RS1: variants seen among roughly 807,000 people sequenced by gnomAD.
RS1 encodes the protein retinoschisin 1, also known as retinoschisin.
Under a neutral mutation model 20.8 loss-of-function variants are expected in RS1, and 2 were observed. The ratio of observed to expected loss-of-function variants is 0.10; its 90% confidence interval spans 0.04 to 0.30. RS1 has a LOEUF of 0.30. RS1 is among the 10% of genes least tolerant of loss of function. The pLI, the probability that RS1 is intolerant of heterozygous loss-of-function variation, is 1.00. For missense variants in RS1, 151 were observed against 189.8 expected, an observed-to-expected ratio of 0.80 and a Z score of 1.20; for synonymous variants, 70 against 75.8, an observed-to-expected ratio of 0.92 and a Z score of 0.40.
At chrX:18,658,519 G>A (rs970486126) in intron 1 of RS1, among the ~76,000 whole-genome samples, 4 of 109,697 alleles carry the variant, frequency 3.6e-5, no homozygotes, top group African/African-American at 1.0e-4. Context: ...ACAATGGCGC[G>A]ATCTCGGCTC....
chrX:18,665,817 G>A (rs1354101009), intron 1 of RS1, among the ~76,000 whole-genome samples: 1 of 105,244 alleles, frequency 9.5e-6, no homozygotes, highest in African/African-American at 3.5e-5. Flanking sequence ...ATGAGAGTTG[G>A]AGGCTGCAGT....
At chrX:18,663,029 T>C (rs1425213929) in intron 1 of RS1, among the ~76,000 whole-genome samples, 73 of 94,817 alleles carry the variant, frequency 7.7e-4, no homozygotes, top group African/African-American at 2.6e-3. Context: ...CCAAGAACAA[T>C]GACTTTTTTT....
At chrX:18,647,559 C>T in intron 3 of RS1, 1 of 413,514 alleles carries the variant, frequency 2.4e-6, no homozygotes, top group East Asian at 4.1e-5. Context: ...ACTCAACAGC[C>T]TTTGTAAAAG....
intron 1 of RS1, among the ~76,000 whole-genome samples, chrX:18,664,560 G>A (rs1293180259): frequency 9.0e-6 from 1 of 110,828 alleles, no homozygotes; most frequent in African/African-American, 3.3e-5. Context: ...CTGGGGAGGC[G>A]GAGGTTGCAG....
intron 2 of RS1, 77 bp downstream of exon 2, chrX:18,657,563 C>G (rs977157972): frequency 4.1e-5 from 31 of 764,972 alleles, no homozygotes; most frequent in Admixed American, 6.7e-5. Flanking sequence ...AAGTGATAGT[C>G]CTCTATGTTA....
intron 1 of RS1, among the ~76,000 whole-genome samples, chrX:18,662,679 G>C (rs1193722346): frequency 9.5e-6 from 1 of 105,677 alleles, no homozygotes; most frequent in Non-Finnish European, 1.9e-5. Flanking sequence ...CCAGGCTGGA[G>C]TGCAGTGGCG....
chrX:18,662,789 G>A (rs1235876085), intron 1 of RS1, among the ~76,000 whole-genome samples: 3 of 109,478 alleles, frequency 2.7e-5, no homozygotes, highest in South Asian at 4.0e-4. Flanking sequence ...CACCACACCC[G>A]GCTAATTTTT....
At chrX:18,666,774 C>T (rs1378522335) in intron 1 of RS1, among the ~76,000 whole-genome samples, 1 of 110,183 alleles carries the variant, frequency 9.1e-6, no homozygotes, top group Non-Finnish European at 1.9e-5. Context: ...ACAGGATCTG[C>T]GGGCAGATTA....
intron 3 of RS1, among the ~76,000 whole-genome samples, chrX:18,651,088 C>T (rs916191803): frequency 4.6e-5 from 5 of 109,776 alleles, no homozygotes; most frequent in African/African-American, 1.7e-4. Flanking sequence ...GCCCCTCTAT[C>T]CTACTCTGTT....
intron 1 of RS1, among the ~76,000 whole-genome samples, chrX:18,663,032 CTTTTTTT>C (rs55857398): frequency 1.3e-5 from 1 of 74,787 alleles, no homozygotes; most frequent in African/African-American, 6.4e-5. Flanking sequence ...AGAACAATGA[CTTTTTTT>C]TTTTTTTTTT....
chrX:18,646,172 GAC>G, intron 4 of RS1: 1 of 1,186,156 alleles, frequency 8.4e-7, no homozygotes, highest in Non-Finnish European at 1.1e-6. Flanking sequence ...TCCTTTCTGA[GAC>G]AGAGTCTTGC....
intron 5 of RS1, among the ~76,000 whole-genome samples, chrX:18,643,220 A>G (rs1057480769): frequency 8.9e-6 from 1 of 111,815 alleles, no homozygotes. Context: ...TACCAAAGTC[A>G]TGGTGCTCTG....
chrX:18,662,351 G>A (rs1040674296), intron 1 of RS1, among the ~76,000 whole-genome samples: 3 of 111,714 alleles, frequency 2.7e-5, no homozygotes, highest in African/African-American at 9.8e-5. Flanking sequence ...TGTGCACAAC[G>A]TGCAGGCTTG....
At chrX:18,657,745 G>T in intron 1 of RS1, 80 bp from the exon 2 acceptor site, 1 of 798,018 alleles carries the variant, frequency 1.3e-6, no homozygotes, top group Non-Finnish European at 1.9e-6. Context: ...ATGGAAAAGT[G>T]AAATAGAAAT....
intron 1 of RS1, among the ~76,000 whole-genome samples, chrX:18,663,498 C>G: frequency 9.2e-6 from 1 of 109,150 alleles, no homozygotes; most frequent in South Asian, 4.0e-4. Flanking sequence ...CCCGTGCCAC[C>G]ACACCCAATA....
At position 18,647,324 on chromosome X, in the gene RS1, A is replaced by G. The variant is rs2147194217; in HGVS notation, c.193T>C (p.Tyr65His). 2 of 1,210,577 alleles carry G rather than the reference A, an allele frequency of 1.7e-6. No individual in the cohort carries two copies. Among genetic ancestry groups the G allele is most frequent in the East Asian group, 3.0e-5 (1 of 33,827 alleles). Reference protein sequence around the residue: ...TSLDCIPECPYHKPLGFESGE... With the variant: ...TSLDCIPECPHHKPLGFESGE... ...GACTCGAAACCCAGAGGCTTGTGAT[A>G]TGGGCATTCTGGGAAAGGAAAAAGA... Residue 65 changes from tyrosine (Y) to histidine (H), a missense_variant, in exon 4 of 6, where the codon TAT (tyrosine) becomes CAT (histidine). Tyr to His is a moderately conservative substitution (Grantham distance 83). Transcript: ENST00000379984.
At chrX:18,666,562 G>A (rs906576194) in intron 1 of RS1, among the ~76,000 whole-genome samples, 3 of 111,427 alleles carry the variant, frequency 2.7e-5, no homozygotes, top group Non-Finnish European at 5.7e-5. Flanking sequence ...GAGGATAGAC[G>A]AGGACATTAC....
chrX:18,655,975 C>G (rs868512423), intron 3 of RS1, among the ~76,000 whole-genome samples: 4 of 93,681 alleles, frequency 4.3e-5, no homozygotes, highest in Non-Finnish European at 8.5e-5. Context: ...CTTTTCTTTT[C>G]TTTTCTTTTC....
intron 1 of RS1, among the ~76,000 whole-genome samples, chrX:18,671,284 G>A (rs1001930204): frequency 8.0e-5 from 9 of 112,382 alleles, no homozygotes; most frequent in African/African-American, 2.9e-4. Flanking sequence ...GGATGAACCT[G>A]AGGAGAAATT....
Sources: gnomAD v4.1 joint callset for allele counts (sites outside exome capture counted in the v4.1 genomes callset) on GRCh38, gnomAD v4.1.1 for gene constraint, MANE v1.5 for transcripts, NCBI Gene and HGNC (gene_info 2026-07-23, HGNC 2026-07-21) for gene names.